The following PTPRA variants were observed in gnomAD, a reference collection of about 807,000 sequenced individuals.
The protein encoded by PTPRA is protein tyrosine phosphatase receptor type A, also known as receptor-type tyrosine-protein phosphatase alpha.
Under a neutral mutation model 104.8 loss-of-function variants are expected in PTPRA, and 25 were observed. That is an observed-to-expected ratio of 0.24 (90% CI 0.17 to 0.33). The LOEUF is 0.33. PTPRA is among the 10% of genes least tolerant of loss of function. The probability of loss-of-function intolerance (pLI) is 1.00; values close to 1 mark genes in which losing one functional copy is unlikely to be tolerated. For missense variants in PTPRA, 765 were observed against 1,015.3 expected (o/e 0.75, Z 3.35); for synonymous variants, 323 against 368.9 (o/e 0.88, Z 1.43).
At chr20:2,971,357 T>G (rs1361996528) in intron 5 of PTPRA, among the ~76,000 whole-genome samples, 1 of 152,186 alleles carries the variant, frequency 6.6e-6, no homozygotes, top group Non-Finnish European at 1.5e-5. Flanking sequence ...ATGGAGCATT[T>G]TCTTCCATCA....
Position 3,037,193 on chromosome 20 carries a change from C to G in PTPRA, c.2238C>G (p.Ser746Arg). 1 of 1,614,182 alleles carries G rather than the reference C, an allele frequency of 6.2e-7. No individual in the cohort carries two copies. Among genetic ancestry groups the G allele is most frequent in the South Asian group, 1.1e-5 (1 of 91,088 alleles). ...GGACGGGGACCTTCTGTGCCCTGAG[C>G]ACCGTCCTGGAGCGTGTGAAAGCAG... Reference protein sequence around the residue: ...AGRTGTFCALSTVLERVKAEG... With the variant: ...AGRTGTFCALRTVLERVKAEG... Residue 746 changes from serine to arginine, a missense_variant, in exon 23 of 24, where the codon AGC (serine) becomes AGG (arginine). Ser to Arg is a moderately radical substitution (Grantham distance 110). Coordinates refer to ENST00000399903, the MANE Select transcript of PTPRA (RefSeq NM_001385305.1). This position sits in a 1 kb window ranked among gnomAD's most constrained non-coding sequence, Gnocchi z 4.3.
At chr20:2,890,943 A>T (rs888615968) in intron 1 of PTPRA, among the ~76,000 whole-genome samples, 6 of 152,150 alleles carry the variant, frequency 3.9e-5, no homozygotes, top group Non-Finnish European at 7.4e-5. Context: ...ACCCATCTGG[A>T]TTACAGCCAA....
At chr20:2,909,018 C>G (rs2059528409) in intron 1 of PTPRA, among the ~76,000 whole-genome samples, 2 of 152,132 alleles carry the variant, frequency 1.3e-5, no homozygotes, top group African/African-American at 4.8e-5. Flanking sequence ...ATAAGCCACT[C>G]CACTCTGCCA....
chr20:2,900,063 TAG>T (rs1285564952), intron 1 of PTPRA, among the ~76,000 whole-genome samples: 1 of 151,954 alleles, frequency 6.6e-6, no homozygotes, highest in East Asian at 1.9e-4. Flanking sequence ...TGAGCTGAGA[TAG>T]CGCCACTGCA....
intron 3 of PTPRA, among the ~76,000 whole-genome samples, chr20:2,949,582 G>A (rs1423712500): frequency 6.6e-6 from 1 of 152,034 alleles, no homozygotes; most frequent in Admixed American, 6.5e-5. Flanking sequence ...ATGAGCCACT[G>A]TGCCTGGCCA....
intron 20 of PTPRA, among the ~76,000 whole-genome samples, chr20:3,031,982 A>T (rs181779426): frequency 4.6e-5 from 7 of 152,236 alleles, no homozygotes; most frequent in Admixed American, 4.6e-4. Flanking sequence ...CACTGAACTC[A>T]TGACCACAAA....
At chr20:2,917,158 T>C (rs1433872331) in intron 1 of PTPRA, among the ~76,000 whole-genome samples, 1 of 152,054 alleles carries the variant, frequency 6.6e-6, no homozygotes, top group Non-Finnish European at 1.5e-5. Context: ...GGTTTCAGCA[T>C]GTTGGCCAGG....
intron 1 of PTPRA, among the ~76,000 whole-genome samples, chr20:2,922,383 A>C (rs1000160004): frequency 6.6e-6 from 1 of 152,170 alleles, no homozygotes; most frequent in Non-Finnish European, 1.5e-5. Context: ...TCTGTTGCCC[A>C]GGCTGGAGTA....
intron 6 of PTPRA, among the ~76,000 whole-genome samples, chr20:2,979,311 T>C (rs2062572899): frequency 6.6e-6 from 1 of 152,200 alleles, no homozygotes; most frequent in Admixed American, 6.5e-5. Context: ...TCAGGAACTT[T>C]CTTGTATTAC....
upstream of PTPRA, among the ~76,000 whole-genome samples, chr20:2,869,932 G>A (rs1397629541): frequency 6.6e-6 from 1 of 151,526 alleles, no homozygotes; most frequent in East Asian, 2.0e-4. Flanking sequence ...CTGAAATGGC[G>A]CCATTGCACT....
At chr20:2,981,956 T>G (rs2062690553) in intron 6 of PTPRA, among the ~76,000 whole-genome samples, 1 of 152,248 alleles carries the variant, frequency 6.6e-6, no homozygotes, top group Non-Finnish European at 1.5e-5. Flanking sequence ...TTGCTGCCTT[T>G]CAGATATGCT....
chr20:2,870,173 A>G (rs1023280548), upstream of PTPRA, among the ~76,000 whole-genome samples: 3 of 151,896 alleles, frequency 2.0e-5, no homozygotes, highest in African/African-American at 7.3e-5. Flanking sequence ...GTTCAAGACC[A>G]GCCTGGCCAA....
intron 1 of PTPRA, among the ~76,000 whole-genome samples, chr20:2,899,793 G>A (rs2059157845): frequency 6.6e-6 from 1 of 151,906 alleles, no homozygotes; most frequent in Admixed American, 6.6e-5. Context: ...GTTTCTTCTG[G>A]TGTTTCCCTT....
intron 2 of PTPRA, among the ~76,000 whole-genome samples, chr20:2,945,582 G>GGTGTGTGTGTGTGT (rs3842441): frequency 6.7e-6 from 1 of 148,152 alleles, no homozygotes; most frequent in East Asian, 2.0e-4. Context: ...ATAATTGGCA[G>GGTGTGTGTGTGTGT]GTGTGTGTGT....
chr20:2,932,554 A>G (rs1325032543), intron 2 of PTPRA, among the ~76,000 whole-genome samples: 1 of 152,236 alleles, frequency 6.6e-6, no homozygotes, highest in African/African-American at 2.4e-5. Flanking sequence ...CAGTAGCCTT[A>G]AAAAGGATGA....
chr20:2,864,655 G>A, the PTPRA span: 1 of 1,613,956 alleles, frequency 6.2e-7, no homozygotes, highest in Non-Finnish European at 8.5e-7. This position sits in a 1 kb window ranked among gnomAD's most constrained non-coding sequence, Gnocchi z 5.2. Flanking sequence ...TGCAGAAGAG[G>A]TCTGAGATCC....
At chr20:2,939,749 T>C (rs966051002) in intron 2 of PTPRA, among the ~76,000 whole-genome samples, 1 of 152,204 alleles carries the variant, frequency 6.6e-6, no homozygotes, top group East Asian at 1.9e-4. Context: ...TACCTTCTTT[T>C]TTCTACTTTT....
intron 1 of PTPRA, among the ~76,000 whole-genome samples, chr20:2,887,075 A>G (rs2090432711): frequency 2.0e-5 from 3 of 152,186 alleles, no homozygotes; most frequent in South Asian, 2.1e-4. Context: ...TTATGATAGC[A>G]TTAAAACTTG....
intron 2 of PTPRA, among the ~76,000 whole-genome samples, chr20:2,924,986 G>A (rs1447806251): frequency 6.6e-6 from 1 of 151,998 alleles, no homozygotes; most frequent in Non-Finnish European, 1.5e-5. Flanking sequence ...GCCTGAAAAG[G>A]TTTTACATCT....
Sources: gnomAD v4.1 joint callset for allele counts (sites outside exome capture counted in the v4.1 genomes callset) on GRCh38, gnomAD v4.1.1 for gene constraint, Gnocchi (gnomAD v3.1) non-coding constraint, MANE v1.5 for transcripts, NCBI Gene and HGNC (gene_info 2026-07-23, HGNC 2026-07-21) for gene names.